Variants in PMM2 observed in about 807,000 individuals in gnomAD.
PMM2 encodes the protein mannose-6-phosphate isomerase.
A neutral mutation model predicts 33.2 loss-of-function variants in PMM2; 35 were observed. That is an observed-to-expected ratio of 1.06 (90% CI 0.81 to 1.40). The LOEUF (loss-of-function observed/expected upper bound fraction) is 1.40. Ranked by LOEUF, PMM2 falls within the 40% of genes most tolerant of loss-of-function variation. The probability of loss-of-function intolerance (pLI) is 0.00; values close to 1 mark genes in which losing one functional copy is unlikely to be tolerated. For missense variants in PMM2, 386 were observed against 306.0 expected (o/e 1.26, Z -1.95); for synonymous variants, 153 against 114.7 (o/e 1.33, Z -2.13).
chr16:8,824,462 A>T (rs2060755067), intron 7 of PMM2, among the ~76,000 whole-genome samples: 8 of 152,246 alleles, frequency 5.3e-5, no homozygotes, highest in Admixed American at 5.2e-4. Flanking sequence ...GAACAGTTAT[A>T]ATTATTACTC....
intron 7 of PMM2, among the ~76,000 whole-genome samples, chr16:8,837,005 T>C (rs1034139539): frequency 1.3e-5 from 2 of 151,558 alleles, no homozygotes; most frequent in Non-Finnish European, 2.9e-5. Flanking sequence ...GATAAAAGGA[T>C]TATAGGGTGG....
At chr16:8,841,832 T>C (rs12930713) in intron 7 of PMM2, among the ~76,000 whole-genome samples, 44,945 of 125,938 alleles carry the variant, frequency 0.36, 7,388 homozygotes, top group Non-Finnish European at 0.41. Context: ...CCAGGAACAA[T>C]GGTAATTGTG....
At position 8,835,791 on chromosome 16, in the gene PMM2, A is replaced by G. The variant is rs913903540; in HGVS notation, c.640-11933A>G. On this transcript the variant is annotated intron_variant, in intron 7 of 7. Coordinates refer to ENST00000268261, the MANE Select transcript of PMM2 (RefSeq NM_000303.3). ...TGGGACATTGAGTGGGGTAAGGGTGATTAGGTTTTAATGAGATGGTAAGGG... is the reference window on the plus strand; with the variant it reads ...TGGGACATTGAGTGGGGTAAGGGTGGTTAGGTTTTAATGAGATGGTAAGGG... 4.7e-4 allele frequency among the ~76,000 whole-genome samples: 72 copies of G among 151,802 alleles called. 2 individuals are homozygous for G. Among genetic ancestry groups the G allele is most frequent in the Admixed American group, 2.0e-4 (3 of 15,224 alleles).
chr16:8,833,781 G>T (rs2060826462), intron 7 of PMM2, among the ~76,000 whole-genome samples: 1 of 152,112 alleles, frequency 6.6e-6, no homozygotes. Context: ...GGTATAAAAG[G>T]TCTAAGAATT....
intron 1 of PMM2, among the ~76,000 whole-genome samples, chr16:8,799,757 A>G (rs912375548): frequency 1.3e-5 from 2 of 152,110 alleles, no homozygotes; most frequent in Non-Finnish European, 2.9e-5. Context: ...TGTGTTGGCC[A>G]GGATGGTCTC....
chr16:8,813,035 A>G lies in PMM2; in HGVS notation c.568A>G (p.Arg190Gly), dbSNP rs1003774786. 1.2e-6 allele frequency: 2 copies of G among 1,613,718 alleles called. No individual in the cohort carries two copies. Among genetic ancestry groups the G allele is most frequent in the African/African-American group, 2.7e-5 (2 of 74,930 alleles). The change falls in exon 7 of 8, where the codon AGA becomes GGA. Residue 190 changes from arginine to glycine, a missense_variant. By Grantham distance (125) the Arg-to-Gly change is moderately radical. Coordinates refer to ENST00000268261, the MANE Select transcript of PMM2 (RefSeq NM_000303.3). ...TGTCTTTCCTGATGGATGGGACAAG[A>G]GATACTGTCTGCGACATGTGGAAAA... Reference protein sequence around the residue: ...FDVFPDGWDKRYCLRHVENDG... With the variant: ...FDVFPDGWDKGYCLRHVENDG...
At chr16:8,801,052 T>C (rs1316309399) in intron 1 of PMM2, among the ~76,000 whole-genome samples, 1 of 152,138 alleles carries the variant, frequency 6.6e-6, no homozygotes, top group Admixed American at 6.6e-5. Flanking sequence ...ATAAATGGAG[T>C]ATAGTGTAGC....
intron 1 of PMM2, among the ~76,000 whole-genome samples, chr16:8,800,527 A>T (rs1437491746): frequency 6.6e-6 from 1 of 152,196 alleles, no homozygotes; most frequent in African/African-American, 2.4e-5. Context: ...GGAATTTACC[A>T]TAAGATTATA....
At chr16:8,836,612 C>T (rs1395881875) in intron 7 of PMM2, among the ~76,000 whole-genome samples, 1 of 151,954 alleles carries the variant, frequency 6.6e-6, no homozygotes, top group Non-Finnish European at 1.5e-5. Flanking sequence ...TTTTCTATTA[C>T]TGTCCACCTT....
At position 8,811,142 on chromosome 16, in the gene PMM2, C is replaced by G. The variant is rs996250009; in HGVS notation, c.411C>G (p.Ser137Arg). 1.9e-6 allele frequency: 3 copies of G among 1,575,976 alleles called. No individual in the cohort carries two copies. The African/African-American group carries it at 4.1e-5, about 21-fold the overall frequency. The change falls in exon 5 of 8, where the codon AGC becomes AGG. Residue 137 changes from serine to arginine, a missense_variant. Physicochemically the swap from Ser to Arg is moderately radical, Grantham distance 110. Coordinates refer to ENST00000268261, the MANE Select transcript of PMM2 (RefSeq NM_000303.3). ...LNVSPIGRSC[S>R]QEERIEFYEL... is the part of the protein sequence containing the mutation. ...TGTCCCCTATTGGAAGAAGCTGCAG[C>G]CAAGAAGAACGCATTGAGTTCTACG...
At chr16:8,842,599 T>G (rs1473218431) in intron 7 of PMM2, among the ~76,000 whole-genome samples, 1 of 152,056 alleles carries the variant, frequency 6.6e-6, no homozygotes, top group African/African-American at 2.4e-5. Flanking sequence ...AATAGTGAGT[T>G]GTGGAGGAAG....
At chr16:8,834,922 G>C (rs12923426) in intron 7 of PMM2, among the ~76,000 whole-genome samples, 1 of 149,776 alleles carries the variant, frequency 6.7e-6, no homozygotes, top group African/African-American at 2.4e-5. Flanking sequence ...ATTGAGGTCC[G>C]GGCCAGGAAC....
At chr16:8,840,759 C>T (rs1019935539) in intron 7 of PMM2, among the ~76,000 whole-genome samples, 6 of 151,876 alleles carry the variant, frequency 4.0e-5, no homozygotes, top group South Asian at 2.1e-4. Context: ...GGACAGCAGT[C>T]GGGGTACTAT....
At chr16:8,823,346 A>C (rs762552915) in intron 7 of PMM2, among the ~76,000 whole-genome samples, 1 of 152,254 alleles carries the variant, frequency 6.6e-6, no homozygotes, top group Non-Finnish European at 1.5e-5. Context: ...ATTGTAGCCC[A>C]CAGAGAATTC....
chr16:8,800,603 T>A (rs2060607795), intron 1 of PMM2, among the ~76,000 whole-genome samples: 1 of 152,154 alleles, frequency 6.6e-6, no homozygotes, highest in Non-Finnish European at 1.5e-5. Context: ...TCTAGTTATC[T>A]TACTCTTTTA....
intron 7 of PMM2, chr16:8,842,334 C>G (rs2060895940): frequency 6.6e-6 from 1 of 152,116 alleles, no homozygotes; most frequent in Admixed American, 6.6e-5. Flanking sequence ...TGAGAAGATT[C>G]AAAGGAGGGG....
chr16:8,829,990 C>T (rs1026887598), intron 7 of PMM2, among the ~76,000 whole-genome samples: 2 of 152,202 alleles, frequency 1.3e-5, no homozygotes, highest in African/African-American at 2.4e-5. Context: ...GCTAGAGATG[C>T]CCCATGATGG....
rs748035028 is a variant in PMM2, at chr16:8,806,402, G to A, written c.342G>A (p.Lys114=). ...LSYIAKIKLP[K]KRGTFIEFRN... ...ACATTGCGAAAATTAAACTCCCGAAGAAGAGGTGGGTTTGCTTTTAACAAA... is the reference window on the plus strand; with the variant it reads ...ACATTGCGAAAATTAAACTCCCGAAAAAGAGGTGGGTTTGCTTTTAACAAA... Residue 114 remains lysine (K), a synonymous_variant, in exon 4 of 8, where the codon AAG becomes AAA. Transcript: ENST00000268261. 1 of 1,608,754 alleles carries A rather than the reference G, an allele frequency of 6.2e-7. No homozygotes were observed. Among genetic ancestry groups the A allele is most frequent in the East Asian group, 2.2e-5 (1 of 44,848 alleles).
intron 7 of PMM2, among the ~76,000 whole-genome samples, chr16:8,844,967 CAGG>C (rs2060915539): frequency 6.6e-6 from 1 of 152,166 alleles, no homozygotes; most frequent in African/African-American, 2.4e-5. Context: ...GAGCAAAGAG[CAGG>C]AGGATAGGGG....
Sources: allele counts gnomAD v4.1 joint callset (sites outside exome capture counted in the v4.1 genomes callset), GRCh38; gene constraint gnomAD v4.1.1; transcripts MANE v1.5; gene names NCBI Gene and HGNC (gene_info 2026-07-23, HGNC 2026-07-21).